The following MYO5B variants were observed in gnomAD, a reference collection of about 807,000 sequenced individuals.
MYO5B encodes the protein unconventional myosin-Vb.
In MYO5B, 143 loss-of-function variants were observed where a neutral mutation model predicts 229.3. That is an observed-to-expected ratio of 0.62 (90% confidence interval 0.54 to 0.72). MYO5B has a LOEUF of 0.72. Ranked by LOEUF, MYO5B falls within the 30% of genes least tolerant of loss-of-function variation. The pLI is 0.00. For synonymous variants in MYO5B, 918 were observed against 885.2 expected (o/e 1.04, Z -0.66); for missense variants, 2,321 against 2,331.0 (o/e 1.00, Z 0.09).
intron 5 of MYO5B, among the ~76,000 whole-genome samples, chr18:49,999,453 A>G (rs902601127): frequency 4.6e-5 from 7 of 152,238 alleles, no homozygotes; most frequent in African/African-American, 1.4e-4. Flanking sequence ...TATGCTACCA[A>G]TGAAATGTCA....
Position 49,867,406 on chromosome 18 carries a change from G to A in MYO5B, c.3604-3026C>T, listed in dbSNP as rs202216197. 7.9e-5 allele frequency among the ~76,000 whole-genome samples: 12 copies of A among 152,254 alleles called. No individual in the cohort carries two copies. The East Asian group carries it at 1.5e-3, about 20-fold the overall frequency. On this transcript the variant is annotated intron_variant, in intron 27 of 39. Transcript: ENST00000285039. ...TGAGCAGTTGGAATTATGGGCTAGA[G>A]ATGGATCAGTATGTTGGTGAGGACT...
At chr18:49,919,721 G>C (rs1040006069) in intron 17 of MYO5B, among the ~76,000 whole-genome samples, 2 of 152,182 alleles carry the variant, frequency 1.3e-5, no homozygotes, top group Admixed American at 1.3e-4. Flanking sequence ...TACGCTGCTG[G>C]TAAGAATGCA....
At chr18:49,924,812 A>G (rs2025111642) in intron 17 of MYO5B, among the ~76,000 whole-genome samples, 1 of 152,176 alleles carries the variant, frequency 6.6e-6, no homozygotes, top group African/African-American at 2.4e-5. Context: ...TCACTTGTAA[A>G]CATGTGCTTT....
chr18:50,057,078 G>A (rs577205357), intron 1 of MYO5B, among the ~76,000 whole-genome samples: 2 of 152,326 alleles, frequency 1.3e-5, no homozygotes, highest in Non-Finnish European at 2.9e-5. Context: ...GAGAGCTCCA[G>A]AGTAAAATAT....
Position 49,861,748 on chromosome 18 carries a change from C to G in MYO5B, c.3944+1479G>C, listed in dbSNP as rs558996827. ...CCGTGGGCCTAAGCTGTTCCACCCC[C>G]CCGGGCCTCAGTCTCCTTCTCTGCA... On this transcript the variant is annotated intron_variant, in intron 29 of 39. Coordinates refer to ENST00000285039, the MANE Select transcript of MYO5B (RefSeq NM_001080467.3). 1.7e-4 allele frequency among the ~76,000 whole-genome samples: 26 copies of G among 152,310 alleles called. 1 individual carries two copies. The highest frequency in any genetic ancestry group is 9.6e-4 in the East Asian group (5 of 5,182).
intron 4 of MYO5B, among the ~76,000 whole-genome samples, chr18:50,020,019 A>T (rs1021255469): frequency 2.6e-5 from 4 of 151,840 alleles, no homozygotes; most frequent in Admixed American, 6.6e-5. Flanking sequence ...TCAACATCAC[A>T]CTCCAGCTCA....
chr18:49,907,905 T>C (rs1293942919), intron 18 of MYO5B, among the ~76,000 whole-genome samples: 1 of 152,238 alleles, frequency 6.6e-6, no homozygotes, highest in Non-Finnish European at 1.5e-5. Flanking sequence ...CTTCAGCTCA[T>C]GCTGAGAGGA....
At chr18:50,149,358 A>G (rs1296255127) in intron 1 of MYO5B, among the ~76,000 whole-genome samples, 3 of 151,638 alleles carry the variant, frequency 2.0e-5, no homozygotes, top group Non-Finnish European at 3.0e-5. Context: ...TGGAACCAAA[A>G]AAGAGCCCAC....
chr18:49,872,129 G>C (rs767439003), intron 27 of MYO5B, 38 bp downstream of exon 27: 2 of 1,598,988 alleles, frequency 1.3e-6, no homozygotes, highest in South Asian at 1.1e-5. Context: ...CCTCTGCCAG[G>C]GGAGTGTTCC....
At chr18:49,870,224 G>T (rs1181188203) in intron 27 of MYO5B, among the ~76,000 whole-genome samples, 1 of 152,192 alleles carries the variant, frequency 6.6e-6, no homozygotes, top group Non-Finnish European at 1.5e-5. Flanking sequence ...ATGGTGCTGG[G>T]AAACCGGACA....
At chr18:49,949,120 TC>T (rs2025405277) in intron 14 of MYO5B, among the ~76,000 whole-genome samples, 1 of 152,132 alleles carries the variant, frequency 6.6e-6, no homozygotes, top group Non-Finnish European at 1.5e-5. Flanking sequence ...GGGATGCCTG[TC>T]CCATAGCCCA....
chr18:50,126,587 C>T (rs1229714382), intron 1 of MYO5B: 1 of 154,890 alleles, frequency 6.5e-6, no homozygotes, highest in Non-Finnish European at 1.5e-5. Flanking sequence ...AAGGCCTTGA[C>T]AAGTCAAGAG....
rs2033039383 is a variant in MYO5B at position 50,179,176 on chromosome 18, G to A, written c.27+15591C>T. ...ACCAGCCACCACCAGAATGTAGGCA[G>A]AGATTGATGATAGTTTAGACTCAGG... On this transcript the variant is annotated intron_variant, in intron 1 of 39. Transcript: ENST00000285039. Among the ~76,000 whole-genome samples the A allele has an allele frequency of 2.6e-5, 4 of 152,186 alleles. No individual in the cohort carries two copies. In the South Asian group the frequency reaches 8.3e-4, roughly 32 times the overall value.
intron 20 of MYO5B, among the ~76,000 whole-genome samples, chr18:49,904,232 G>C (rs1458157115): frequency 6.6e-6 from 1 of 152,148 alleles, no homozygotes; most frequent in East Asian, 1.9e-4. Context: ...CCTTCTTCAA[G>C]GGTGATTTCT....
chr18:50,080,833 T>C (rs531873150), intron 1 of MYO5B, among the ~76,000 whole-genome samples: 2 of 152,268 alleles, frequency 1.3e-5, no homozygotes, highest in African/African-American at 4.8e-5. Flanking sequence ...TCCATCCAGG[T>C]TGCTGAGGTG....
At chr18:50,145,709 A>G (rs2032491752) in intron 1 of MYO5B, among the ~76,000 whole-genome samples, 2 of 152,278 alleles carry the variant, frequency 1.3e-5, no homozygotes, top group East Asian at 1.9e-4. Context: ...AGCTCTAACA[A>G]AAGTCAAAAG....
chr18:49,852,180 G>T (rs1238181425), intron 31 of MYO5B, among the ~76,000 whole-genome samples: 1 of 152,278 alleles, frequency 6.6e-6, no homozygotes, highest in Non-Finnish European at 1.5e-5. Context: ...GCAACCTTGT[G>T]TTGGTGTGCC....
chr18:50,163,219 A>G (rs1027535194), intron 1 of MYO5B, among the ~76,000 whole-genome samples: 2 of 152,010 alleles, frequency 1.3e-5, no homozygotes, highest in Non-Finnish European at 2.9e-5. Flanking sequence ...TCCTCCCCAT[A>G]CTGCCACCTC....
At chr18:49,971,178 T>C (rs2025687497) in intron 10 of MYO5B, among the ~76,000 whole-genome samples, 1 of 152,110 alleles carries the variant, frequency 6.6e-6, no homozygotes, top group Non-Finnish European at 1.5e-5. Context: ...AAAAACTCCT[T>C]AGAATCACTT....
Sources: allele counts gnomAD v4.1 joint callset (sites outside exome capture counted in the v4.1 genomes callset), GRCh38; gene constraint gnomAD v4.1.1; transcripts MANE v1.5; gene names NCBI Gene and HGNC (gene_info 2026-07-23, HGNC 2026-07-21).